Variants in GAS1 observed in about 807,000 individuals in gnomAD.
GAS1 encodes the protein growth arrest-specific protein 1.
GAS1 carries 10 observed loss-of-function variants against 21.6 expected under a neutral mutation model. The ratio of observed to expected loss-of-function variants is 0.46; its 90% CI spans 0.29 to 0.79. The LOEUF is 0.79. GAS1 is among the 30% of genes least tolerant of loss of function. The pLI is 0.10. For synonymous variants in GAS1, 332 were observed against 264.0 expected, an observed-to-expected ratio of 1.26 and a Z score of -2.50; for missense variants, 567 against 544.3, an observed-to-expected ratio of 1.04 and a Z score of -0.42.
Position 86,945,749 on chromosome 9 carries a change from A to G in GAS1, c.1031T>C (p.Leu344Pro), listed in dbSNP as rs958204986. 4.6e-6 allele frequency: 7 copies of G among 1,517,974 alleles called. No individual in the cohort carries two copies. The highest frequency in any genetic ancestry group is 2.9e-5 in the African/African-American group (2 of 69,936). The allele number at this position is 1,517,974 out of a possible 1,614,324, so 94.0% of individuals were successfully genotyped here. Residue 344 changes from leucine to proline, a missense_variant, in exon 1 of 1, where the codon CTC (leucine) becomes CCC (proline). By Grantham distance (98) the Leu-to-Pro change is moderately conservative. Transcript: ENST00000298743. ...ASILLLLLGPLF is the reference protein window; with the variant it reads ...ASILLLLLGPPF The stretch of plus-strand genomic sequence containing the variant: ...CGGCGGGGGGCGCGAGGGCTAAAAG[A>G]GCGGCCCAAGCAGCAGCAGCAAGAT...
rs778863309 is a variant in GAS1 at position 86,946,048 on chromosome 9, G to A, written c.732C>T (p.Phe244=). 1.9e-6 allele frequency: 3 copies of A among 1,607,654 alleles called. No homozygotes were observed. Among genetic ancestry groups the A allele is most frequent in the Non-Finnish European group, 1.7e-6 (2 of 1,179,490 alleles). The stretch of plus-strand genomic sequence containing the variant: ...CGGGGCCGTTGCCCAGCTCGGCGCC[G>A]AAGCACAGGCGGGCCATGTTCTCCT... ...SVKENMARLC[F]GAELGNGPGS... Residue 244 remains phenylalanine, a synonymous_variant, in exon 1 of 1, where the codon TTC becomes TTT. Transcript: ENST00000298743. This position sits in a 1 kb window ranked among gnomAD's most constrained non-coding sequence, Gnocchi z 5.2.
chr9:86,946,047 C>T lies in GAS1; in HGVS notation c.733G>A (p.Gly245Ser). Residue 245 changes from glycine (G) to serine (S), a missense_variant, in exon 1 of 1, where the codon GGC (glycine) becomes AGC (serine). Gly to Ser is a moderately conservative substitution (Grantham distance 56). Coordinates refer to ENST00000298743, the MANE Select transcript of GAS1 (RefSeq NM_002048.3). The surrounding 1 kb of genome is among the most constrained non-coding windows in gnomAD (Gnocchi z 5.2). Reference sequence around the variant, plus strand: ...CCGGGGCCGTTGCCCAGCTCGGCGCCGAAGCACAGGCGGGCCATGTTCTCC... The same window carrying T: ...CCGGGGCCGTTGCCCAGCTCGGCGCTGAAGCACAGGCGGGCCATGTTCTCC... Reference protein sequence around the residue: ...VKENMARLCFGAELGNGPGSS... With the variant: ...VKENMARLCFSAELGNGPGSS... The T allele has an allele frequency of 1.9e-6, 3 of 1,607,646 alleles. No individual in the cohort carries two copies.
In GAS1 at chr9:86,946,045, G is replaced by A. The variant is rs1007539657; in HGVS notation, c.735C>T (p.Gly245=). Residue 245 remains glycine (G), a synonymous_variant, in exon 1 of 1, where the codon GGC becomes GGT. Transcript: ENST00000298743. This position sits in a 1 kb window ranked among gnomAD's most constrained non-coding sequence, Gnocchi z 5.2. ...TGCCGGGGCCGTTGCCCAGCTCGGC[G>A]CCGAAGCACAGGCGGGCCATGTTCT... is the stretch of plus-strand genomic sequence containing the variant. The part of the protein sequence containing the change: ...VKENMARLCF[G]AELGNGPGSS... 3.7e-6 allele frequency: 6 copies of A among 1,607,636 alleles called. No homozygotes were observed. The highest frequency in any genetic ancestry group is 5.1e-6 in the Non-Finnish European group (6 of 1,179,514).
chr9:86,945,707 G>T lies in GAS1; in HGVS notation c.*35C>A. On this transcript the variant is annotated 3_prime_UTR_variant, in exon 1 of 1. Coordinates refer to ENST00000298743, the MANE Select transcript of GAS1 (RefSeq NM_002048.3). ...GAGGCGAGCACGGGAGTGGGACGCG[G>T]GCTCTCCCGCAGCCAACGGCGGGGG... is the stretch of plus-strand genomic sequence containing the variant. 2 of 1,516,088 alleles carry T rather than the reference G, an allele frequency of 1.3e-6. No homozygotes were observed. The highest frequency in any genetic ancestry group is 1.2e-5 in the South Asian group (1 of 80,770). The allele number at this position is 1,516,088 out of a possible 1,614,324, so 93.9% of individuals were successfully genotyped here. A position where few individuals can be genotyped will look rare whatever the true frequency, so the allele number is the denominator to read the frequency against.
chr9:86,945,592 C>A lies in GAS1; in HGVS notation c.*150G>T. 5.6e-6 allele frequency: 4 copies of A among 713,672 alleles called. No homozygotes were observed. Among genetic ancestry groups the A allele is most frequent in the Non-Finnish European group, 8.1e-6 (4 of 496,350 alleles). The allele number at this position is 713,672 out of a possible 1,614,324, so 44.2% of individuals were successfully genotyped here. ...CCCAGAGTCGTGGCCGGGGAACCGG[C>A]TACACCAAGTTGACTTGGAAAAAGT... is the stretch of plus-strand genomic sequence containing the variant. On this transcript the variant is annotated 3_prime_UTR_variant, in exon 1 of 1. Coordinates refer to ENST00000298743, the MANE Select transcript of GAS1 (RefSeq NM_002048.3).
rs560130127 is a variant in GAS1, at chr9:86,946,012, G to A, written c.768C>T (p.Gly256=). The stretch of plus-strand genomic sequence containing the variant: ...AGTAGTCGTCCAGGCCCCCGTCCGA[G>A]CCGCTGCTGCCGGGGCCGTTGCCCA... ...AELGNGPGSS[G]SDGGLDDYYD... is the part of the protein sequence containing the mutation. The change falls in exon 1 of 1, where the codon GGC becomes GGT. Residue 256 remains glycine, a synonymous_variant. Coordinates refer to ENST00000298743, the MANE Select transcript of GAS1 (RefSeq NM_002048.3). The surrounding 1 kb of genome is among the most constrained non-coding windows in gnomAD (Gnocchi z 5.2). 1.7e-4 allele frequency: 275 copies of A among 1,608,156 alleles called. No individual in the cohort carries two copies. The South Asian group carries it at 2.8e-3, about 16-fold the overall frequency.
At position 86,945,800 on chromosome 9, in the gene GAS1, C is replaced by CG; in HGVS notation, c.979dup (p.Arg327ProfsTer114). 6.9e-7 allele frequency: 1 copy of CG among 1,447,884 alleles called. No homozygotes were observed. Among genetic ancestry groups the CG allele is most frequent in the Non-Finnish European group, 9.2e-7 (1 of 1,088,414 alleles). 89.7% of individuals were successfully genotyped at this position (1,447,884 alleles called of 1,614,324 possible). ...GGAGGCGAGTGGGGTCCAGGCGCCC[C>CG]GGGGCGCCAAGCGGCCGCCGCCGCC... On this transcript the variant is annotated frameshift_variant, in exon 1 of 1. Coordinates refer to ENST00000298743, the MANE Select transcript of GAS1 (RefSeq NM_002048.3). LOFTEE classifies it high-confidence loss of function.
rs903529198 is a variant in GAS1 at position 86,944,677 on chromosome 9, G to T, written c.*1065C>A. 1.3e-5 allele frequency: 2 copies of T among 152,148 alleles called. No homozygotes were observed. Among genetic ancestry groups the T allele is most frequent in the African/African-American group, 4.8e-5 (2 of 41,436 alleles). 9.4% of individuals were successfully genotyped at this position (152,148 alleles called of 1,614,324 possible). A position where few individuals can be genotyped will look rare whatever the true frequency, so the allele number is the denominator to read the frequency against. The stretch of plus-strand genomic sequence containing the variant: ...AATGGATTCTATACATTTCAGGGGG[G>T]AAAGGTGTAATATGGATGTGAGTTT... On this transcript the variant is annotated 3_prime_UTR_variant, in exon 1 of 1. Coordinates refer to ENST00000298743, the MANE Select transcript of GAS1 (RefSeq NM_002048.3).
Position 86,946,028 on chromosome 9 carries a change from C to T in GAS1, c.752G>A (p.Gly251Asp). 1 of 1,608,136 alleles carries T rather than the reference C, an allele frequency of 6.2e-7. No individual in the cohort carries two copies. Among genetic ancestry groups the T allele is most frequent in the Non-Finnish European group, 8.5e-7 (1 of 1,179,460 alleles). The change falls in exon 1 of 1, where the codon GGC (glycine) becomes GAC (aspartate). Residue 251 changes from glycine (G) to aspartate (D), a missense_variant. Gly to Asp is a moderately conservative substitution (Grantham distance 94, BLOSUM62 -1). Coordinates refer to ENST00000298743, the MANE Select transcript of GAS1 (RefSeq NM_002048.3). The surrounding 1 kb of genome is among the most constrained non-coding windows in gnomAD (Gnocchi z 5.2). ...RLCFGAELGN[G>D]PGSSGSDGGL... Reference sequence around the variant, plus strand: ...CCCGTCCGAGCCGCTGCTGCCGGGGCCGTTGCCCAGCTCGGCGCCGAAGCA... The same window carrying T: ...CCCGTCCGAGCCGCTGCTGCCGGGGTCGTTGCCCAGCTCGGCGCCGAAGCA...
Position 86,946,838 on chromosome 9 carries a change from C to T in GAS1, c.-59G>A. 2.1e-6 allele frequency: 1 copy of T among 477,808 alleles called. No homozygotes were observed. The allele number at this position is 477,808 out of a possible 1,614,324, so 29.6% of individuals were successfully genotyped here. ...AAAGGAGACGAGGCGCGGGGAGCGG[C>T]GGACGCGGAGCCGGTGGAAAAGTTT... is the stretch of plus-strand genomic sequence containing the variant. On this transcript the variant is annotated 5_prime_UTR_variant, in exon 1 of 1. Coordinates refer to ENST00000298743, the MANE Select transcript of GAS1 (RefSeq NM_002048.3). The surrounding 1 kb of genome is among the most constrained non-coding windows in gnomAD (Gnocchi z 5.2).
chr9:86,946,296 C>A lies in GAS1; in HGVS notation c.484G>T (p.Gly162Trp). 1 of 1,438,886 alleles carries A rather than the reference C, an allele frequency of 6.9e-7. No individual in the cohort carries two copies. Among genetic ancestry groups the A allele is most frequent in the Non-Finnish European group, 9.1e-7 (1 of 1,099,804 alleles). 89.1% of individuals were successfully genotyped at this position (1,438,886 alleles called of 1,614,324 possible). Residue 162 changes from glycine to tryptophan, a missense_variant, in exon 1 of 1, where the codon GGG (glycine) becomes TGG (tryptophan). By Grantham distance (184) the Gly-to-Trp change is radical. Transcript: ENST00000298743. This position sits in a 1 kb window ranked among gnomAD's most constrained non-coding sequence, Gnocchi z 5.2. ...GGGAGGPGAG[G>W]VMGCTEARRR... ...CGGGCCTCGGTGCAGCCCATGACCC[C>A]GCCCGCGCCGGGGCCGCCCGCGCCG...
chr9:86,946,479 A>G lies in GAS1; in HGVS notation c.301T>C (p.Ser101Pro). ...AFPASAASFS[S>P]RWRCPSHCIS... ...CAGTGACTCGGGCAGCGCCAGCGCG[A>G]CGAGAAAGAGGCGGCCGAGGCCGGG... The change falls in exon 1 of 1, where the codon TCG becomes CCG. Residue 101 changes from serine (S) to proline (P), a missense_variant. Physicochemically the swap from Ser to Pro is moderately conservative, Grantham distance 74 (BLOSUM62 -1). Transcript: ENST00000298743. This position sits in a 1 kb window ranked among gnomAD's most constrained non-coding sequence, Gnocchi z 5.2. 1 of 1,462,028 alleles carries G rather than the reference A, an allele frequency of 6.8e-7. No homozygotes were observed. The highest frequency in any genetic ancestry group is 9.0e-7 in the Non-Finnish European group (1 of 1,109,710). The allele number at this position is 1,462,028 out of a possible 1,614,324, so 90.6% of individuals were successfully genotyped here. A position where few individuals can be genotyped will look rare whatever the true frequency, so the allele number is the denominator to read the frequency against.
At position 86,946,295 on chromosome 9, in the gene GAS1, C is replaced by A. The variant is rs1192681620; in HGVS notation, c.485G>T (p.Gly162Val). The A allele has an allele frequency of 1.4e-6, 2 of 1,439,780 alleles. No individual in the cohort carries two copies. 89.2% of individuals were successfully genotyped at this position (1,439,780 alleles called of 1,614,324 possible). ...GGGAGGPGAG[G>V]VMGCTEARRR... Reference sequence around the variant, plus strand: ...CCGGGCCTCGGTGCAGCCCATGACCCCGCCCGCGCCGGGGCCGCCCGCGCC... The same window carrying A: ...CCGGGCCTCGGTGCAGCCCATGACCACGCCCGCGCCGGGGCCGCCCGCGCC... Residue 162 changes from glycine to valine, a missense_variant, in exon 1 of 1, where the codon GGG becomes GTG. Physicochemically the swap from Gly to Val is moderately radical, Grantham distance 109. Coordinates refer to ENST00000298743, the MANE Select transcript of GAS1 (RefSeq NM_002048.3). The surrounding 1 kb of genome is among the most constrained non-coding windows in gnomAD (Gnocchi z 5.2).
At position 86,946,600 on chromosome 9, in the gene GAS1, C is replaced by G; in HGVS notation, c.180G>C (p.Glu60Asp). Reference protein sequence around the residue: ...QALLQCQGEPECSYAYNQYAE... With the variant: ...QALLQCQGEPDCSYAYNQYAE... The stretch of plus-strand genomic sequence containing the variant: ...CGTACTGGTTGTAGGCGTAGCTGCA[C>G]TCCGGCTCCCCCTGGCACTGCAGCA... Residue 60 changes from glutamate to aspartate, a missense_variant, in exon 1 of 1, where the codon GAG becomes GAC. Glu to Asp is a conservative substitution (Grantham distance 45). Transcript: ENST00000298743. This position sits in a 1 kb window ranked among gnomAD's most constrained non-coding sequence, Gnocchi z 5.2. The G allele has an allele frequency of 6.9e-7, 1 of 1,449,714 alleles. No individual in the cohort carries two copies. 89.8% of individuals were successfully genotyped at this position (1,449,714 alleles called of 1,614,324 possible).
rs1379231762 is a variant in GAS1, at chr9:86,945,282, T to G, written c.*460A>C. The G allele has an allele frequency of 6.5e-6, 1 of 152,894 alleles. No individual in the cohort carries two copies. The highest frequency in any genetic ancestry group is 1.5e-5 in the Non-Finnish European group (1 of 68,706). 9.5% of individuals were successfully genotyped at this position (152,894 alleles called of 1,614,324 possible). ...AATCTGTAAAAGTCGATACTGGCAC[T>G]TTTTTTTGCCCCCTCAAAGGAAATA... On this transcript the variant is annotated 3_prime_UTR_variant, in exon 1 of 1. Transcript: ENST00000298743.
In GAS1 at chr9:86,945,477, C is replaced by T. The variant is rs1383945656; in HGVS notation, c.*265G>A. 1 of 363,644 alleles carries T rather than the reference C, an allele frequency of 2.7e-6. No individual in the cohort carries two copies. Among genetic ancestry groups the T allele is most frequent in the Non-Finnish European group, 4.9e-6 (1 of 204,390 alleles). The allele number at this position is 363,644 out of a possible 1,614,324, so 22.5% of individuals were successfully genotyped here. The stretch of plus-strand genomic sequence containing the variant: ...ACACTGCAGCTAGCTTTCTGGACGG[C>T]AGACGAGTTGGGAGTTTCTGGAGCT... On this transcript the variant is annotated 3_prime_UTR_variant, in exon 1 of 1. Transcript: ENST00000298743.
rs1825507158 is a variant in GAS1, at chr9:86,946,840, G to T, written c.-61C>A. The T allele has an allele frequency of 4.2e-6, 2 of 474,520 alleles. No homozygotes were observed. Among genetic ancestry groups the T allele is most frequent in the East Asian group, 4.1e-5 (1 of 24,512 alleles). The allele number at this position is 474,520 out of a possible 1,614,324, so 29.4% of individuals were successfully genotyped here. Reference sequence around the variant, plus strand: ...AGGAGACGAGGCGCGGGGAGCGGCGGACGCGGAGCCGGTGGAAAAGTTTGT... The same window carrying T: ...AGGAGACGAGGCGCGGGGAGCGGCGTACGCGGAGCCGGTGGAAAAGTTTGT... On this transcript the variant is annotated 5_prime_UTR_variant, in exon 1 of 1. Transcript: ENST00000298743. This position sits in a 1 kb window ranked among gnomAD's most constrained non-coding sequence, Gnocchi z 5.2.
Position 86,946,605 on chromosome 9 carries a change from G to C in GAS1, c.175C>G (p.Pro59Ala). Residue 59 changes from proline (P) to alanine (A), a missense_variant, in exon 1 of 1, where the codon CCG (proline) becomes GCG (alanine). Pro to Ala is a conservative substitution (Grantham distance 27, BLOSUM62 -1). Coordinates refer to ENST00000298743, the MANE Select transcript of GAS1 (RefSeq NM_002048.3). The surrounding 1 kb of genome is among the most constrained non-coding windows in gnomAD (Gnocchi z 5.2). ...WQALLQCQGE[P>A]ECSYAYNQYA... Reference sequence around the variant, plus strand: ...TGGTTGTAGGCGTAGCTGCACTCCGGCTCCCCCTGGCACTGCAGCAGCGCC... The same window carrying C: ...TGGTTGTAGGCGTAGCTGCACTCCGCCTCCCCCTGGCACTGCAGCAGCGCC... The C allele has an allele frequency of 6.9e-7, 1 of 1,449,624 alleles. No homozygotes were observed. The highest frequency in any genetic ancestry group is 9.1e-7 in the Non-Finnish European group (1 of 1,103,724). The allele number at this position is 1,449,624 out of a possible 1,614,324, so 89.8% of individuals were successfully genotyped here.
chr9:86,944,647 T>C lies in GAS1; in HGVS notation c.*1095A>G, dbSNP rs1162485668. ...ATGGACTGTGGGTTTTGATTCCTGA[T>C]GACAAATGGATTCTATACATTTCAG... On this transcript the variant is annotated 3_prime_UTR_variant, in exon 1 of 1. Transcript: ENST00000298743. The C allele has an allele frequency of 2.0e-5, 3 of 152,204 alleles. No individual in the cohort carries two copies. The highest frequency in any genetic ancestry group is 4.4e-5 in the Non-Finnish European group (3 of 68,036). The allele number at this position is 152,204 out of a possible 1,614,324, so 9.4% of individuals were successfully genotyped here.
Sources: gnomAD v4.1 joint callset for allele counts on GRCh38, gnomAD v4.1.1 for gene constraint, Gnocchi (gnomAD v3.1) non-coding constraint, MANE v1.5 for transcripts, NCBI Gene and HGNC (gene_info 2026-07-23, HGNC 2026-07-21) for gene names.